The following NTM variants were observed in gnomAD, a reference collection of about 807,000 sequenced individuals.
NTM encodes the protein IgLON family member 2.
Under a neutral mutation model 42.1 loss-of-function variants are expected in NTM, and 13 were observed. That is an observed-to-expected ratio of 0.31 (90% confidence interval 0.20 to 0.49). The LOEUF is 0.49. NTM is among the 20% of genes least tolerant of loss of function. The pLI is 0.99. For missense variants in NTM, 373 were observed against 452.8 expected (o/e 0.82, Z 1.60); for synonymous variants, 187 against 179.2 (o/e 1.04, Z -0.35).
At chr11:131,553,856 A>G in intron 1 of NTM, among the ~76,000 whole-genome samples, 1 of 152,212 alleles carries the variant, frequency 6.6e-6, no homozygotes, top group Non-Finnish European at 1.5e-5. Flanking sequence ...TGTGGCACAC[A>G]CGGTCATCTA....
At chr11:132,250,096 T>C (rs1230077346) in intron 4 of NTM, among the ~76,000 whole-genome samples, 1 of 152,226 alleles carries the variant, frequency 6.6e-6, no homozygotes. Flanking sequence ...AGTTTTTGTT[T>C]AGTGAAAATG....
intron 2 of NTM, among the ~76,000 whole-genome samples, chr11:132,130,201 G>A (rs573917583): frequency 5.4e-4 from 82 of 152,254 alleles, no homozygotes; most frequent in African/African-American, 1.9e-3. Context: ...GAAACCACTC[G>A]TATCTAGAAA....
At chr11:131,386,841 C>G (rs1034719325) in intron 1 of NTM, among the ~76,000 whole-genome samples, 1 of 152,184 alleles carries the variant, frequency 6.6e-6, no homozygotes, top group Non-Finnish European at 1.5e-5. Flanking sequence ...ATAATCTACC[C>G]CAGTCTTCTT....
intron 1 of NTM, among the ~76,000 whole-genome samples, chr11:131,405,972 G>A (rs1051819005): frequency 2.0e-5 from 3 of 152,166 alleles, no homozygotes; most frequent in Non-Finnish European, 4.4e-5. Context: ...AACTCTCAGA[G>A]AGCCCTTTCT....
chr11:131,395,658 T>C (rs1845569211), intron 1 of NTM, among the ~76,000 whole-genome samples: 2 of 152,178 alleles, frequency 1.3e-5, no homozygotes, highest in South Asian at 2.1e-4. Context: ...GTTTTTACAT[T>C]CCTTTTAAAT....
In NTM at chr11:132,107,342, T is replaced by C. The variant is rs11222928; in HGVS notation, c.168-38940T>C. On this transcript the variant is annotated intron_variant, in intron 2 of 8. Transcript: ENST00000683400. ...TAGTTCAAGTAAAAGATTTATCCTT[T>C]TTTTTTTTTTTTTTTTTTTTTTTTT... Among the ~76,000 whole-genome samples the C allele has an allele frequency of 5.5e-3, 531 of 96,536 alleles. 5 individuals are homozygous for C. Among genetic ancestry groups the C allele is most frequent in the African/African-American group, 6.3e-3 (144 of 22,842 alleles). The allele number at this position is 96,536 out of a possible 152,430, so 63.3% of individuals were successfully genotyped here. A position where few individuals can be genotyped will look rare whatever the true frequency, so the allele number is the denominator to read the frequency against.
intron 1 of NTM, among the ~76,000 whole-genome samples, chr11:131,447,278 C>G (rs1169716923): frequency 6.6e-6 from 1 of 152,212 alleles, no homozygotes; most frequent in Non-Finnish European, 1.5e-5. Context: ...GTTACCTCCT[C>G]TCTGACCTTT....
chr11:131,713,096 A>G (rs1308979003), intron 1 of NTM, among the ~76,000 whole-genome samples: 2 of 152,134 alleles, frequency 1.3e-5, no homozygotes, highest in Non-Finnish European at 2.9e-5. Context: ...TCCATAGAAC[A>G]ACATAAGGCT....
intron 1 of NTM, among the ~76,000 whole-genome samples, chr11:131,589,408 T>G (rs1458308847): frequency 1.3e-5 from 2 of 152,108 alleles, no homozygotes; most frequent in Non-Finnish European, 2.9e-5. Context: ...CACACTGCCA[T>G]CCCCCTCAAT....
At chr11:132,107,040 T>C (rs568800582) in intron 2 of NTM, among the ~76,000 whole-genome samples, 1 of 152,260 alleles carries the variant, frequency 6.6e-6, no homozygotes, top group East Asian at 1.9e-4. Flanking sequence ...AAAAGGCATG[T>C]AAAACTCCCA....
chr11:131,396,690 C>T (rs1419408339), intron 1 of NTM, among the ~76,000 whole-genome samples: 2 of 152,010 alleles, frequency 1.3e-5, no homozygotes, highest in East Asian at 3.9e-4. Flanking sequence ...AAAAATTAGT[C>T]AGGCACTGTG....
intron 1 of NTM, among the ~76,000 whole-genome samples, chr11:131,687,246 C>T (rs950048290): frequency 1.3e-5 from 2 of 152,246 alleles, no homozygotes; most frequent in Non-Finnish European, 2.9e-5. Context: ...AACACCGTCA[C>T]GCGTGGTGTC....
chr11:131,590,501 G>A (rs1056621766), intron 1 of NTM, among the ~76,000 whole-genome samples: 1 of 152,204 alleles, frequency 6.6e-6, no homozygotes, highest in Admixed American at 6.5e-5. Flanking sequence ...GAAGTGCACT[G>A]GACTGGTCTC....
At chr11:131,503,618 A>G (rs916157687) in intron 1 of NTM, among the ~76,000 whole-genome samples, 11 of 151,356 alleles carry the variant, frequency 7.3e-5, no homozygotes, top group Non-Finnish European at 1.5e-5. Context: ...AACCTCCCAG[A>G]CTCAAGCAAT....
intron 3 of NTM, among the ~76,000 whole-genome samples, chr11:132,208,466 A>G (rs1044995475): frequency 2.0e-5 from 3 of 152,238 alleles, no homozygotes; most frequent in African/African-American, 7.2e-5. Context: ...GACAGCAAGC[A>G]CTTCTCAACT....
At chr11:131,518,536 C>T (rs2049182841) in intron 1 of NTM, among the ~76,000 whole-genome samples, 2 of 152,168 alleles carry the variant, frequency 1.3e-5, no homozygotes, top group African/African-American at 4.8e-5. Context: ...CTGAAGCATG[C>T]TATTAATAGG....
intron 2 of NTM, among the ~76,000 whole-genome samples, chr11:132,096,139 C>G (rs1479718129): frequency 1.3e-5 from 2 of 152,180 alleles, no homozygotes; most frequent in Admixed American, 1.3e-4. Context: ...ATTCCATTGA[C>G]TTTCTCTCCC....
intron 1 of NTM, among the ~76,000 whole-genome samples, chr11:131,623,537 T>G (rs372409948): frequency 6.6e-6 from 1 of 152,226 alleles, no homozygotes; most frequent in Non-Finnish European, 1.5e-5. Context: ...GCTGCTTGCA[T>G]GTTTAAATGA....
At chr11:131,820,856 G>A (rs1207941617) in intron 1 of NTM, among the ~76,000 whole-genome samples, 5 of 152,128 alleles carry the variant, frequency 3.3e-5, no homozygotes, top group African/African-American at 9.7e-5. Context: ...GATGTTCAGG[G>A]TTTAAGGTGT....
Sources: allele counts gnomAD v4.1 joint callset (sites outside exome capture counted in the v4.1 genomes callset), GRCh38; gene constraint gnomAD v4.1.1; transcripts MANE v1.5; gene names NCBI Gene and HGNC (gene_info 2026-07-23, HGNC 2026-07-21).